CACNA1E: variants seen among roughly 807,000 people sequenced by gnomAD.
CACNA1E encodes calcium voltage-gated channel subunit alpha1 E, also known as voltage-dependent R-type calcium channel subunit alpha-1E.
A neutral mutation model predicts 259.2 loss-of-function variants in CACNA1E; 40 were observed. That is an observed-to-expected ratio of 0.15 (90% CI 0.12 to 0.20). CACNA1E has a LOEUF of 0.20. Among genes scored for constraint, CACNA1E ranks in the 10% least tolerant of loss-of-function variants. CACNA1E has a pLI of 1.00. For missense variants in CACNA1E, 1,874 were observed against 3,040.1 expected (o/e 0.62, Z 9.02); for synonymous variants, 1,104 against 1,138.5 (o/e 0.97, Z 0.61).
intron 1 of CACNA1E, among the ~76,000 whole-genome samples, chr1:181,381,081 G>C (rs908644568): frequency 1.3e-5 from 2 of 151,862 alleles, no homozygotes; most frequent in African/African-American, 4.8e-5. Flanking sequence ...CAGGAGAATC[G>C]CTTGAACCCA....
At chr1:181,461,403 T>C (rs1661802508) in intron 2 of CACNA1E, among the ~76,000 whole-genome samples, 1 of 151,442 alleles carries the variant, frequency 6.6e-6, no homozygotes, top group Admixed American at 6.6e-5. Flanking sequence ...TAGCCGGGCG[T>C]GGTGGCGGGC....
At chr1:181,462,726 A>AT (rs1300058186) in intron 2 of CACNA1E, among the ~76,000 whole-genome samples, 1 of 152,152 alleles carries the variant, frequency 6.6e-6, no homozygotes, top group African/African-American at 2.4e-5. Context: ...ATGTATATGA[A>AT]TTTTTTGAGT....
intron 25 of CACNA1E, among the ~76,000 whole-genome samples, chr1:181,743,814 G>T (rs1656807396): frequency 2.0e-5 from 3 of 152,218 alleles, no homozygotes; most frequent in Admixed American, 2.0e-4. Context: ...TGGATTCTAA[G>T]TAGTCATCTC....
intron 2 of CACNA1E, among the ~76,000 whole-genome samples, chr1:181,436,139 AG>A (rs1483399906): frequency 6.6e-6 from 1 of 152,264 alleles, no homozygotes; most frequent in African/African-American, 2.4e-5. Flanking sequence ...ACTAATCATC[AG>A]GGAAATGCAA....
intron 1 of CACNA1E, among the ~76,000 whole-genome samples, chr1:181,389,614 G>A (rs758081700): frequency 6.6e-6 from 1 of 152,248 alleles, no homozygotes; most frequent in Admixed American, 6.5e-5. Context: ...TCTTGCATGC[G>A]TGTGTCGCAG....
chr1:181,555,207 A>G (rs948413655), intron 3 of CACNA1E, among the ~76,000 whole-genome samples: 2 of 152,234 alleles, frequency 1.3e-5, no homozygotes, highest in Non-Finnish European at 2.9e-5. Flanking sequence ...TATTCATAAG[A>G]CACTCAGAGG....
chr1:181,731,700 C>T (rs1197113340), intron 19 of CACNA1E, among the ~76,000 whole-genome samples: 1 of 152,106 alleles, frequency 6.6e-6, no homozygotes, highest in Non-Finnish European at 1.5e-5. Context: ...TTCATGATTT[C>T]CCGCTGCCCC....
chr1:181,381,081 G>T (rs908644568), intron 1 of CACNA1E, among the ~76,000 whole-genome samples: 1 of 151,862 alleles, frequency 6.6e-6, no homozygotes, highest in Non-Finnish European at 1.5e-5. Context: ...CAGGAGAATC[G>T]CTTGAACCCA....
chr1:181,500,327 A>G (rs894305322), intron 1 of CACNA1E, among the ~76,000 whole-genome samples: 6 of 152,214 alleles, frequency 3.9e-5, no homozygotes, highest in African/African-American at 9.7e-5. Context: ...GCTGTGCTGA[A>G]ACTGGCTTGT....
At chr1:181,754,160 G>C (rs555511021) in intron 27 of CACNA1E, among the ~76,000 whole-genome samples, 1 of 152,340 alleles carries the variant, frequency 6.6e-6, no homozygotes, top group South Asian at 2.1e-4. Context: ...GCCTCAAGGA[G>C]AGTGCAGACA....
intron 42 of CACNA1E, 47 bp from the exon 43 acceptor site, chr1:181,785,666 C>G (rs1294225491): frequency 1.6e-6 from 2 of 1,288,598 alleles, no homozygotes; most frequent in Non-Finnish European, 2.3e-6. Flanking sequence ...ACAGCAAACT[C>G]CGTAGTCATT....
At chr1:181,793,956 G>A (rs558093160) in intron 45 of CACNA1E, among the ~76,000 whole-genome samples, 163 bp downstream of exon 45, 5 of 152,212 alleles carry the variant, frequency 3.3e-5, no homozygotes, top group South Asian at 2.1e-4. Flanking sequence ...CTGCTTCTCC[G>A]GTGTTTTCAA....
At chr1:181,673,778 C>T (rs1165256132) in intron 7 of CACNA1E, among the ~76,000 whole-genome samples, 1 of 152,166 alleles carries the variant, frequency 6.6e-6, no homozygotes, top group Non-Finnish European at 1.5e-5. Flanking sequence ...CAGTTTCCTC[C>T]TCCCAACCCC....
intron 1 of CACNA1E, among the ~76,000 whole-genome samples, chr1:181,509,172 C>G (rs931823792): frequency 2.6e-5 from 4 of 152,076 alleles, no homozygotes; most frequent in African/African-American, 4.8e-5. Flanking sequence ...CCCTGCAGCC[C>G]CTGATGCCAG....
chr1:181,500,337 T>C (rs1665135778), intron 1 of CACNA1E, among the ~76,000 whole-genome samples: 1 of 152,230 alleles, frequency 6.6e-6, no homozygotes, highest in African/African-American at 2.4e-5. Context: ...AACTGGCTTG[T>C]CCCAGCTCTT....
intron 6 of CACNA1E, among the ~76,000 whole-genome samples, chr1:181,587,788 C>T (rs1314506442): frequency 6.6e-6 from 1 of 152,140 alleles, no homozygotes; most frequent in African/African-American, 2.4e-5. Flanking sequence ...GAGGCTGAGG[C>T]AGGAGAATGG....
intron 6 of CACNA1E, among the ~76,000 whole-genome samples, chr1:181,582,446 A>G (rs1651634530): frequency 6.6e-6 from 1 of 152,222 alleles, no homozygotes; most frequent in South Asian, 2.1e-4. Context: ...CTGGTGTCAC[A>G]TGGAGGGCTT....
At chr1:181,502,047 GT>G (rs1665293569) in intron 1 of CACNA1E, among the ~76,000 whole-genome samples, 1 of 152,148 alleles carries the variant, frequency 6.6e-6, no homozygotes, top group African/African-American at 2.4e-5. Context: ...CTTCTTTCAT[GT>G]TTTTCTGCTT....
At position 181,803,193 on chromosome 1, in the gene CACNA1E, C is replaced by T. The variant is rs1662398944; in HGVS notation, c.*4359C>T. The T allele has an allele frequency of 6.6e-6, 1 of 152,122 alleles. No homozygotes were observed. Among genetic ancestry groups the T allele is most frequent in the African/African-American group, 2.4e-5 (1 of 41,404 alleles). The allele number at this position is 152,122 out of a possible 1,614,324, so 9.4% of individuals were successfully genotyped here. A position where few individuals can be genotyped will look rare whatever the true frequency, so the allele number is the denominator to read the frequency against. ...CCTACAAGTCCTTCTCTCATAGATC[C>T]CAGAGCAATGGGCACCGTCCAGGAG... On this transcript the variant is annotated 3_prime_UTR_variant, in exon 48 of 48. Transcript: ENST00000367573.
Sources: gnomAD v4.1 joint callset for allele counts (sites outside exome capture counted in the v4.1 genomes callset) on GRCh38, gnomAD v4.1.1 for gene constraint, MANE v1.5 for transcripts, NCBI Gene and HGNC (gene_info 2026-07-23, HGNC 2026-07-21) for gene names.